GGCX: variants seen among roughly 807,000 people sequenced by gnomAD.
GGCX encodes the protein gamma-glutamyl carboxylase.
In GGCX, 63 loss-of-function variants were observed where a neutral mutation model predicts 88.5. That is an observed-to-expected ratio of 0.71 (90% CI 0.58 to 0.88). The LOEUF (loss-of-function observed/expected upper bound fraction) is 0.88, where lower values mean the gene tolerates loss of function less well. Ranked by LOEUF, GGCX falls within the 40% of genes least tolerant of loss-of-function variation. The pLI, the probability that GGCX is intolerant of heterozygous loss-of-function variation, is 0.00. For synonymous variants in GGCX, 368 were observed against 365.8 expected, an observed-to-expected ratio of 1.01 and a Z score of -0.07; for missense variants, 805 against 932.9, an observed-to-expected ratio of 0.86 and a Z score of 1.79.
Position 85,549,845 on chromosome 2 carries a change from T to A in GGCX, c.*89A>T. The A allele has an allele frequency of 2.7e-6, 2 of 741,950 alleles. No homozygotes were observed. The highest frequency in any genetic ancestry group is 4.3e-6 in the Non-Finnish European group (2 of 461,854). The allele number at this position is 741,950 out of a possible 1,614,324, so 46.0% of individuals were successfully genotyped here. ...CCCCCCCAAAAAAAAAAAAAAAACT[T>A]TTGAGAATTTTTTTCAAATAAATGT... On this transcript the variant is annotated 3_prime_UTR_variant, in exon 15 of 15. Coordinates refer to ENST00000233838, the MANE Select transcript of GGCX (RefSeq NM_000821.7).
intron 4 of GGCX, 51 bp from the exon 5 acceptor site, chr2:85,556,311 A>G (rs758143582): frequency 1.9e-6 from 2 of 1,067,204 alleles, no homozygotes; most frequent in Non-Finnish European, 2.9e-6. Flanking sequence ...ATGCAGCTAC[A>G]TCTCCATCCT....
chr2:85,555,374 G>A, intron 6 of GGCX, 110 bp downstream of exon 6: 1 of 704,874 alleles, frequency 1.4e-6, no homozygotes, highest in South Asian at 1.5e-5. Context: ...GACAAAGGAA[G>A]GCATGTGGCA....
chr2:85,550,495 G>T, intron 14 of GGCX, 60 bp downstream of exon 14: 1 of 1,257,612 alleles, frequency 8.0e-7, no homozygotes, highest in Non-Finnish European at 1.2e-6. Context: ...CTCTCCCCAG[G>T]GGAAAGTTAC....
intron 4 of GGCX, among the ~76,000 whole-genome samples, chr2:85,557,977 C>T (rs1692274329): frequency 2.6e-5 from 4 of 152,118 alleles, no homozygotes; most frequent in South Asian, 2.1e-4. Context: ...TTACCTCCTC[C>T]GAGAACAGCA....
At position 85,549,848 on chromosome 2, in the gene GGCX, G is replaced by C; in HGVS notation, c.*86C>G. On this transcript the variant is annotated 3_prime_UTR_variant, in exon 15 of 15. Transcript: ENST00000233838. ...CCCCAAAAAAAAAAAAAAAACTTTT[G>C]AGAATTTTTTTCAAATAAATGTCCA... 2 of 645,662 alleles carry C rather than the reference G, an allele frequency of 3.1e-6. No homozygotes were observed. The allele number at this position is 645,662 out of a possible 1,614,324, so 40.0% of individuals were successfully genotyped here. A position where few individuals can be genotyped will look rare whatever the true frequency, so the allele number is the denominator to read the frequency against.
At chr2:85,559,217 T>C (rs572886756) in intron 2 of GGCX, 142 bp from the exon 3 acceptor site, 8 of 750,240 alleles carry the variant, frequency 1.1e-5, no homozygotes, top group South Asian at 1.0e-4. Context: ...GTATTAATTA[T>C]TGAGTGCCTA....
In GGCX at chr2:85,547,381, C is replaced by T. The variant is rs901171987; in HGVS notation, c.*2553G>A. 6.6e-6 allele frequency: 1 copy of T among 152,176 alleles called. No individual in the cohort carries two copies. Among genetic ancestry groups the T allele is most frequent in the Non-Finnish European group, 1.5e-5 (1 of 68,034 alleles). The allele number at this position is 152,176 out of a possible 1,614,324, so 9.4% of individuals were successfully genotyped here. On this transcript the variant is annotated 3_prime_UTR_variant, in exon 15 of 15. Coordinates refer to ENST00000233838, the MANE Select transcript of GGCX (RefSeq NM_000821.7). Reference sequence around the variant, plus strand: ...ACAGTTGCAACCCAACTCTACCCCACTGAACAGCTTTTATTACCAGTATTT... The same window carrying T: ...ACAGTTGCAACCCAACTCTACCCCATTGAACAGCTTTTATTACCAGTATTT...
At position 85,556,169 on chromosome 2, in the gene GGCX, T is replaced by C. The variant is rs1416313364; in HGVS notation, c.618+13A>G. ...TGTCAAGGAGCTCCTCCCTCTGTCC[T>C]AAAATGCTGTACCTGGCCACGGAGC... On this transcript the variant is annotated intron_variant, in intron 5 of 14. Transcript: ENST00000233838. 1.9e-6 allele frequency: 3 copies of C among 1,571,330 alleles called. No individual in the cohort carries two copies. Among genetic ancestry groups the C allele is most frequent in the African/African-American group, 1.4e-5 (1 of 74,054 alleles).
At position 85,556,233 on chromosome 2, in the gene GGCX, A is replaced by C. The variant is rs1464921644; in HGVS notation, c.567T>G (p.His189Gln). ...AAAGGGGCACGTGGGCATTCCTCCTATGGGCATTCAGCAGACCGTCCACAG... is the reference window on the plus strand; with the variant it reads ...AAAGGGGCACGTGGGCATTCCTCCTCTGGGCATTCAGCAGACCGTCCACAG... The part of the protein sequence containing the change: ...YWSVDGLLNA[H>Q]RRNAHVPLWN... Residue 189 changes from histidine (H) to glutamine (Q), a missense_variant, in exon 5 of 15, where the codon CAT becomes CAG. Physicochemically the swap from His to Gln is conservative, Grantham distance 24 (BLOSUM62 0). Around this residue, in one of 3 missense-constraint regions of GGCX, gnomAD observed 680 missense variants for 763.7 expected, o/e 0.89. Transcript: ENST00000233838. 3 of 1,609,026 alleles carry C rather than the reference A, an allele frequency of 1.9e-6. No individual in the cohort carries two copies. The highest frequency in any genetic ancestry group is 2.5e-6 in the Non-Finnish European group (3 of 1,177,202).
rs114386392 is a variant in GGCX, at chr2:85,548,207, T to C, written c.*1727A>G. On this transcript the variant is annotated 3_prime_UTR_variant, in exon 15 of 15. Transcript: ENST00000233838. ...GTGAAACCCTGTCTTTAAAAAAAAA[T>C]AGATTCAAGAGGTATCCAGGAGGTA... is the stretch of plus-strand genomic sequence containing the variant. 2 of 151,746 alleles carry C rather than the reference T, an allele frequency of 1.3e-5. No individual in the cohort carries two copies. The highest frequency in any genetic ancestry group is 2.9e-5 in the Non-Finnish European group (2 of 67,924). 9.4% of individuals were successfully genotyped at this position (151,746 alleles called of 1,614,324 possible).
chr2:85,552,693 C>A, intron 9 of GGCX, 126 bp from the exon 10 acceptor site: 1 of 1,078,772 alleles, frequency 9.3e-7, no homozygotes, highest in East Asian at 2.4e-5. Flanking sequence ...ATGGAACTTG[C>A]CTTTGGGAAT....
chr2:85,553,521 A>C (rs371183467), intron 7 of GGCX, 24 bp from the exon 8 acceptor site: 1 of 1,612,006 alleles, frequency 6.2e-7, no homozygotes, highest in Non-Finnish European at 8.5e-7. Context: ...GAGAAAATAC[A>C]TATTTCAGGA....
rs1691678043 is a variant in GGCX, at chr2:85,546,602, CAG to C, written c.*3330_*3331del. 6.6e-6 allele frequency: 1 copy of C among 152,362 alleles called. No individual in the cohort carries two copies. The highest frequency in any genetic ancestry group is 2.1e-4 in the South Asian group (1 of 4,834). 9.4% of individuals were successfully genotyped at this position (152,362 alleles called of 1,614,324 possible). ...GCAGGTGCTTGTAATCCCAGCTACT[CAG>C]GAGGCTGGAGAATCACTTGAACCCA... On this transcript the variant is annotated 3_prime_UTR_variant, in exon 15 of 15. Transcript: ENST00000233838.
At chr2:85,559,433 C>G (rs1254897) in intron 2 of GGCX, among the ~76,000 whole-genome samples, 35,373 of 151,176 alleles carry the variant, frequency 0.23, 5,088 homozygotes, top group Non-Finnish European at 0.32. Context: ...CTCTGGGAGG[C>G]CAGGCACGGT....
chr2:85,550,053 C>G lies in GGCX; in HGVS notation c.2158G>C (p.Val720Leu). Residue 720 changes from valine to leucine, a missense_variant, in exon 15 of 15, where the codon GTG (valine) becomes CTG (leucine). Val to Leu is a conservative substitution (Grantham distance 32). Transcript: ENST00000233838. ...AAGGGTCTCAAGTTTGCATAAGTCA[C>G]CTCCTGGGCCAGCTGCTCCAGGGAA... ...RPSLEQLAQE[V>L]TYANLRPFEA... The G allele has an allele frequency of 6.2e-7, 1 of 1,612,634 alleles. No individual in the cohort carries two copies. The highest frequency in any genetic ancestry group is 8.5e-7 in the Non-Finnish European group (1 of 1,178,720).
rs904512322 is a variant in GGCX, at chr2:85,546,923, A to C, written c.*3011T>G. On this transcript the variant is annotated 3_prime_UTR_variant, in exon 15 of 15. Transcript: ENST00000233838. ...GAATGAGCATGGATAGGTGCCTCCA[A>C]GTTGGTAGAATAGCATGAGAAGTTT... is the stretch of plus-strand genomic sequence containing the variant. 1.3e-5 allele frequency: 2 copies of C among 152,240 alleles called. No homozygotes were observed. The highest frequency in any genetic ancestry group is 2.9e-5 in the Non-Finnish European group (2 of 68,052). 9.4% of individuals were successfully genotyped at this position (152,240 alleles called of 1,614,324 possible).
intron 2 of GGCX, among the ~76,000 whole-genome samples, chr2:85,559,680 A>G (rs924332139): frequency 6.6e-6 from 1 of 151,822 alleles, no homozygotes; most frequent in African/African-American, 2.4e-5. Context: ...ACACCATTGC[A>G]CTCCAGCCTG....
At position 85,558,425 on chromosome 2, in the gene GGCX, C is replaced by T. The variant is rs774594753; in HGVS notation, c.539+15G>A. 6.2e-7 allele frequency: 1 copy of T among 1,611,002 alleles called. No individual in the cohort carries two copies. The highest frequency in any genetic ancestry group is 1.7e-5 in the Admixed American group (1 of 60,018). On this transcript the variant is annotated intron_variant, in intron 4 of 14. Coordinates refer to ENST00000233838, the MANE Select transcript of GGCX (RefSeq NM_000821.7). Reference sequence around the variant, plus strand: ...ACCCAGCCAACCCCTCCCCTTTGTCCCCCCTGACTCATACCAGTAGTGGTT... The same window carrying T: ...ACCCAGCCAACCCCTCCCCTTTGTCTCCCCTGACTCATACCAGTAGTGGTT...
chr2:85,558,929 T>C lies in GGCX; in HGVS notation c.361A>G (p.Ile121Val), dbSNP rs1692318322. The C allele has an allele frequency of 6.2e-7, 1 of 1,613,724 alleles. No homozygotes were observed. The highest frequency in any genetic ancestry group is 1.3e-5 in the African/African-American group (1 of 74,908). Residue 121 changes from isoleucine to valine, a missense_variant, in exon 3 of 15, where the codon ATC (isoleucine) becomes GTC (valine). By Grantham distance (29) the Ile-to-Val change is conservative (BLOSUM62 3). This residue lies in a region of GGCX where 61 missense variants were observed against 111.9 expected (regional missense o/e 0.54). Transcript: ENST00000233838. ...CAGTTCCCCTCACCCAGAAACATGATGGTGTAGACAAGATACATCCAGTCA... is the reference window on the plus strand; with the variant it reads ...CAGTTCCCCTCACCCAGAAACATGACGGTGTAGACAAGATACATCCAGTCA... ...PLDWMYLVYT[I>V]MFLGALGMML...
Sources: allele counts gnomAD v4.1 joint callset (sites outside exome capture counted in the v4.1 genomes callset), GRCh38; gene constraint gnomAD v4.1.1; regional missense constraint gnomAD v4.1.1; transcripts MANE v1.5; gene names NCBI Gene and HGNC (gene_info 2026-07-23, HGNC 2026-07-21).